The following CNTNAP3B variants were observed in gnomAD, a reference collection of about 807,000 sequenced individuals.
The protein encoded by CNTNAP3B is contactin associated protein family member 3B.
Under a neutral mutation model 108.9 loss-of-function variants are expected in CNTNAP3B, and 25 were observed. The ratio of observed to expected loss-of-function variants is 0.23; its 90% CI spans 0.17 to 0.32. The LOEUF (loss-of-function observed/expected upper bound fraction) is 0.32, where lower values mean the gene tolerates loss of function less well. Ranked by LOEUF, CNTNAP3B falls within the 10% of genes least tolerant of loss-of-function variation. CNTNAP3B has a pLI of 1.00. For synonymous variants in CNTNAP3B, 103 were observed against 473.4 expected, an observed-to-expected ratio of 0.22 and a Z score of 10.16; for missense variants, 252 against 1,210.4, an observed-to-expected ratio of 0.21 and a Z score of 11.75.
At chr9:42,071,557 G>A (rs1827379916) in intron 3 of CNTNAP3B, among the ~76,000 whole-genome samples, 1 of 138,712 alleles carries the variant, frequency 7.2e-6, no homozygotes, top group African/African-American at 2.9e-5. Context: ...TAAAATATGT[G>A]GCAATTTACA....
chr9:41,931,080 G>T (rs1437581622), intron 14 of CNTNAP3B, among the ~76,000 whole-genome samples: 16 of 152,388 alleles, frequency 1.0e-4, no homozygotes, highest in African/African-American at 3.8e-4. Flanking sequence ...AAATTGCCCA[G>T]TTCTCAAACC....
intron 9 of CNTNAP3B, chr9:41,979,855 C>T (rs1444174001): frequency 2.4e-5 from 3 of 123,148 alleles, no homozygotes; most frequent in Non-Finnish European, 4.7e-5. Context: ...TCCCAGATTG[C>T]TGGGATTACA....
intron 3 of CNTNAP3B, among the ~76,000 whole-genome samples, chr9:42,024,669 C>CAAAAA (rs1216353981): frequency 4.7e-5 from 4 of 84,986 alleles, no homozygotes; most frequent in Non-Finnish European, 6.8e-5. Flanking sequence ...CCAGGGTTCA[C>CAAAAA]AAAAAAAAAA....
chr9:42,113,965 A>T (rs1229939469), intron 1 of CNTNAP3B, among the ~76,000 whole-genome samples: 2 of 133,016 alleles, frequency 1.5e-5, no homozygotes, highest in Non-Finnish European at 3.2e-5. Context: ...AATTAAAAAT[A>T]ATAATAATTC....
chr9:42,081,587 T>TA (rs1256559872), intron 2 of CNTNAP3B, among the ~76,000 whole-genome samples: 1 of 115,796 alleles, frequency 8.6e-6, no homozygotes, highest in Middle Eastern at 3.8e-3. Flanking sequence ...AATCACTAAT[T>TA]AAAACACATG....
At chr9:42,099,876 A>C (rs1431434002) in intron 2 of CNTNAP3B, among the ~76,000 whole-genome samples, 1 of 35,226 alleles carries the variant, frequency 2.8e-5, no homozygotes, top group Non-Finnish European at 6.3e-5. Context: ...ATCTATCATG[A>C]GAGAATATAA....
Position 42,117,400 on chromosome 9 carries a change from C to A in CNTNAP3B, c.85+11610G>T, listed in dbSNP as rs543559952. Among the ~76,000 whole-genome samples, 646 of 136,282 alleles carry A rather than the reference C, an allele frequency of 4.7e-3. 15 individuals carry two copies. The highest frequency in any genetic ancestry group is 0.018 in the African/African-American group (613 of 33,918). 89.4% of individuals were successfully genotyped at this position (136,282 alleles called of 152,430 possible). ...TCAAAACTGCTCGACTACATGGAAA[C>A]TGAACAACCTGCTCCTGAATGACTA... On this transcript the variant is annotated intron_variant, in intron 1 of 23. Transcript: ENST00000377561.
In CNTNAP3B at chr9:42,094,047, C is replaced by G. The variant is rs1407710858; in HGVS notation, c.196+10582G>C. ...ATAAAGGAATTTGTCCAAAGTCACA[C>G]AGCTAGTAAGGGGTAGAGCCTGGAT... is the stretch of plus-strand genomic sequence containing the variant. On this transcript the variant is annotated intron_variant, in intron 2 of 23. Transcript: ENST00000377561. 2.2e-5 allele frequency among the ~76,000 whole-genome samples: 3 copies of G among 135,778 alleles called. 1 individual carries two copies. Among genetic ancestry groups the G allele is most frequent in the Non-Finnish European group, 4.7e-5 (3 of 64,098 alleles). 89.1% of individuals were successfully genotyped at this position (135,778 alleles called of 152,430 possible).
At chr9:42,117,024 G>T (rs1828333986) in intron 1 of CNTNAP3B, among the ~76,000 whole-genome samples, 1 of 139,104 alleles carries the variant, frequency 7.2e-6, no homozygotes. Flanking sequence ...GACTCATAAA[G>T]CAAGTCCTTA....
chr9:42,048,236 CA>C (rs954841107), intron 3 of CNTNAP3B, among the ~76,000 whole-genome samples: 1 of 44,226 alleles, frequency 2.3e-5, no homozygotes, highest in Non-Finnish European at 4.1e-5. Flanking sequence ...GACCCGAGAG[CA>C]GCCATTCCCC....
At chr9:42,047,327 T>C (rs1279531320) in intron 3 of CNTNAP3B, among the ~76,000 whole-genome samples, 1 of 129,046 alleles carries the variant, frequency 7.7e-6, no homozygotes, top group Admixed American at 7.9e-5. Flanking sequence ...AAATTAGCCT[T>C]CAGCATACAA....
At chr9:42,114,887 T>C (rs28451503) in intron 1 of CNTNAP3B, among the ~76,000 whole-genome samples, 119,461 of 131,538 alleles carry the variant, frequency 0.91, 56,277 homozygotes, top group Non-Finnish European at 0.95. Flanking sequence ...AACTCCATCT[T>C]TAGTAAAAAT....
chr9:42,069,804 G>T (rs1243764620), intron 3 of CNTNAP3B, among the ~76,000 whole-genome samples: 2 of 85,676 alleles, frequency 2.3e-5, no homozygotes, highest in African/African-American at 1.1e-4. Flanking sequence ...CTTTGCAGGA[G>T]GATCATTTAT....
In CNTNAP3B at chr9:42,113,575, A is replaced by C. The variant is rs1445103129; in HGVS notation, c.86-8836T>G. Among the ~76,000 whole-genome samples the C allele has an allele frequency of 1.4e-5, 2 of 139,952 alleles. 1 individual carries two copies. Among genetic ancestry groups the C allele is most frequent in the East Asian group, 4.3e-4 (2 of 4,636 alleles). 91.8% of individuals were successfully genotyped at this position (139,952 alleles called of 152,430 possible). A position where few individuals can be genotyped will look rare whatever the true frequency, so the allele number is the denominator to read the frequency against. The stretch of plus-strand genomic sequence containing the variant: ...CAGGTGCATATAATTTAAAAAGAAA[A>C]TCATGTGGCGATGTCATCACTAATA... On this transcript the variant is annotated intron_variant, in intron 1 of 23. Transcript: ENST00000377561.
intron 14 of CNTNAP3B, among the ~76,000 whole-genome samples, chr9:41,934,104 T>C (rs1273814405): frequency 7.5e-6 from 1 of 132,740 alleles, no homozygotes; most frequent in South Asian, 2.3e-4. Context: ...TTGTTACATA[T>C]ATATATATAT....
intron 8 of CNTNAP3B, among the ~76,000 whole-genome samples, chr9:41,986,518 T>C (rs1347099433): frequency 6.9e-6 from 1 of 145,358 alleles, no homozygotes; most frequent in African/African-American, 2.6e-5. Context: ...TATTACTCTT[T>C]CTGAAGAATC....
At chr9:41,957,438 T>C (rs866726331) in intron 12 of CNTNAP3B, among the ~76,000 whole-genome samples, 773 of 92,040 alleles carry the variant, frequency 8.4e-3, no homozygotes, top group South Asian at 0.035. Flanking sequence ...GGGTTCAGTC[T>C]TTTTTTCTCT....
In CNTNAP3B at chr9:42,072,883, T is replaced by C. The variant is rs893167849; in HGVS notation, c.390+3986A>G. On this transcript the variant is annotated intron_variant, in intron 3 of 23. Transcript: ENST00000377561. ...TTCATATATTAGAAAGGTCATACTG[T>C]GTATACACCAAATATGAGTGACTAG... is the stretch of plus-strand genomic sequence containing the variant. Among the ~76,000 whole-genome samples the C allele has an allele frequency of 1.5e-5, 2 of 130,380 alleles. 1 individual carries two copies. The highest frequency in any genetic ancestry group is 6.3e-5 in the African/African-American group (2 of 31,762). 85.5% of individuals were successfully genotyped at this position (130,380 alleles called of 152,430 possible).
At chr9:41,994,813 C>G (rs1344767494) in intron 7 of CNTNAP3B, 1 of 222,052 alleles carries the variant, frequency 4.5e-6, no homozygotes, top group Non-Finnish European at 8.2e-6. Context: ...AACATGTTTC[C>G]AACAATACAA....
Sources: allele counts gnomAD v4.1 joint callset (sites outside exome capture counted in the v4.1 genomes callset), GRCh38; gene constraint gnomAD v4.1.1; transcripts MANE v1.5; gene names NCBI Gene and HGNC (gene_info 2026-07-23, HGNC 2026-07-21).